Variants in EFCAB12 observed in about 807,000 individuals in gnomAD.
EFCAB12 encodes EF-hand calcium-binding domain-containing protein 12.
A neutral mutation model predicts 53.6 loss-of-function variants in EFCAB12; 43 were observed. That is an observed-to-expected ratio of 0.80 (90% confidence interval 0.63 to 1.03). The LOEUF is 1.03. Among genes scored for constraint, EFCAB12 ranks in the 50% least tolerant of loss-of-function variants. The pLI is 0.00. For missense variants in EFCAB12, 646 were observed against 730.6 expected (o/e 0.88, Z 1.34); for synonymous variants, 269 against 289.2 (o/e 0.93, Z 0.71).
At chr3:129,427,627 G>A (rs938486114) in intron 1 of EFCAB12, among the ~76,000 whole-genome samples, 1 of 152,286 alleles carries the variant, frequency 6.6e-6, no homozygotes. Flanking sequence ...GCATTAATGT[G>A]TTCAGTGCTG....
At chr3:129,416,418 A>AAAACAAACAAACAAAC (rs139810830) in intron 3 of EFCAB12, among the ~76,000 whole-genome samples, 16 of 151,440 alleles carry the variant, frequency 1.1e-4, no homozygotes, top group African/African-American at 2.9e-4. Flanking sequence ...GCTCCGTCTC[A>AAAACAAACAAACAAAC]AAACAAACAA....
At chr3:129,402,606 TGAG>T (rs2071887680) in intron 7 of EFCAB12, 27 bp from the exon 8 acceptor site, 1 of 1,606,490 alleles carries the variant, frequency 6.2e-7, no homozygotes, top group African/African-American at 1.3e-5. Context: ...AGGCATTTTG[TGAG>T]GAGAGTGGAA....
chr3:129,402,898 T>C (rs1434742397), intron 7 of EFCAB12: 1 of 268,240 alleles, frequency 3.7e-6, no homozygotes, highest in African/African-American at 2.3e-5. Flanking sequence ...GGAGGCTCAG[T>C]AAGTCACTGC....
At chr3:129,403,330 C>T (rs2071901100) in intron 7 of EFCAB12, 1 of 152,422 alleles carries the variant, frequency 6.6e-6, no homozygotes, top group Non-Finnish European at 1.5e-5. Context: ...TGAGTGCTGT[C>T]CCTGCTAAGA....
intron 1 of EFCAB12, among the ~76,000 whole-genome samples, chr3:129,423,619 T>C (rs1258767443): frequency 2.0e-5 from 3 of 152,044 alleles, no homozygotes; most frequent in Non-Finnish European, 2.9e-5. Flanking sequence ...ACAGAGACCC[T>C]TTTTCAAAAA....
rs780361081 is a variant in EFCAB12 at position 129,404,244 on chromosome 3, C to T, written c.1403+6G>A. 6.2e-7 allele frequency: 1 copy of T among 1,610,944 alleles called. No homozygotes were observed. Among genetic ancestry groups the T allele is most frequent in the Non-Finnish European group, 8.5e-7 (1 of 1,178,194 alleles). ...AGGCAGGGAGAAAGGGGGTCCGAAA[C>T]TCAGCTTGTCAGTCCTCTTAGACTT... On this transcript the variant is annotated splice_donor_region_variant and intron_variant, in intron 7 of 8. Coordinates refer to ENST00000505956, the MANE Select transcript of EFCAB12 (RefSeq NM_207307.3).
intron 3 of EFCAB12, among the ~76,000 whole-genome samples, chr3:129,416,442 C>CAAAT (rs1018919097): frequency 2.0e-5 from 3 of 151,852 alleles, no homozygotes; most frequent in East Asian, 3.9e-4. Flanking sequence ...AACAAACAAA[C>CAAAT]AAACAAAAAA....
chr3:129,406,214 C>T (rs780412694), intron 6 of EFCAB12, among the ~76,000 whole-genome samples: 2 of 152,074 alleles, frequency 1.3e-5, no homozygotes, highest in Non-Finnish European at 2.9e-5. Flanking sequence ...GTAAATAATC[C>T]GGAAAGGTGA....
rs756007007 is a variant in EFCAB12, at chr3:129,411,296, C to T, written c.897G>A (p.Val299=). The stretch of plus-strand genomic sequence containing the variant: ...CTTTGGGAAGCTGTGGGGCTGAATC[C>T]ACCTCCTGCTTCTTGAGCGGACCCT... The part of the protein sequence containing the change: ...SLKGPLKKQE[V]DSAPQLPKVD... Residue 299 remains valine, a synonymous_variant, in exon 5 of 9, where the codon GTG becomes GTA. Coordinates refer to ENST00000505956, the MANE Select transcript of EFCAB12 (RefSeq NM_207307.3). The T allele has an allele frequency of 2.5e-6, 4 of 1,611,580 alleles. No homozygotes were observed. In the East Asian group the frequency reaches 8.9e-5, roughly 36 times the overall value.
At chr3:129,406,428 G>A (rs2071951682) in intron 6 of EFCAB12, among the ~76,000 whole-genome samples, 1 of 152,112 alleles carries the variant, frequency 6.6e-6, no homozygotes, top group Non-Finnish European at 1.5e-5. Context: ...GTGTCTCCCC[G>A]AAATTCTTAT....
intron 7 of EFCAB12, 51 bp from the exon 8 acceptor site, chr3:129,402,630 A>G (rs893809002): frequency 1.5e-5 from 24 of 1,579,802 alleles, no homozygotes; most frequent in Non-Finnish European, 2.1e-5. Flanking sequence ...ATCCAGGCCA[A>G]TGGGGCTTTA....
intron 2 of EFCAB12, among the ~76,000 whole-genome samples, chr3:129,419,305 C>T (rs563438044): frequency 6.6e-6 from 1 of 152,140 alleles, no homozygotes; most frequent in South Asian, 2.1e-4. Flanking sequence ...AAGTGTGGTC[C>T]CGTGGACCAC....
At chr3:129,423,041 G>A (rs532621162) in intron 1 of EFCAB12, among the ~76,000 whole-genome samples, 2 of 152,264 alleles carry the variant, frequency 1.3e-5, no homozygotes, top group Admixed American at 6.5e-5. Context: ...AGTGAAAAAT[G>A]GACAGACCTA....
At chr3:129,406,196 A>C (rs540641778) in intron 6 of EFCAB12, among the ~76,000 whole-genome samples, 1 of 152,114 alleles carries the variant, frequency 6.6e-6, no homozygotes, top group Non-Finnish European at 1.5e-5. Context: ...ACTGCGTAAG[A>C]CCATGGTGTA....
chr3:129,402,058 G>A lies in EFCAB12; in HGVS notation c.1461-207C>T, dbSNP rs909824810. Reference sequence around the variant, plus strand: ...GAGGACCCAGAGGCCTGGGGAGGCCGTCGCACACTGAGCAAGTGGCCAAGT... The same window carrying A: ...GAGGACCCAGAGGCCTGGGGAGGCCATCGCACACTGAGCAAGTGGCCAAGT... On this transcript the variant is annotated intron_variant, in intron 8 of 8. Coordinates refer to ENST00000505956, the MANE Select transcript of EFCAB12 (RefSeq NM_207307.3). Among the ~76,000 whole-genome samples the A allele has an allele frequency of 5.9e-5, 9 of 152,226 alleles. No individual in the cohort carries two copies. In the South Asian group the frequency reaches 6.2e-4, roughly 10 times the overall value.
intron 2 of EFCAB12, among the ~76,000 whole-genome samples, chr3:129,418,827 C>T (rs2072154216): frequency 6.6e-6 from 1 of 152,194 alleles, no homozygotes; most frequent in Non-Finnish European, 1.5e-5. Context: ...CCAGCCTTTG[C>T]ATCTGCTATA....
At position 129,421,480 on chromosome 3, in the gene EFCAB12, A is replaced by G. The variant is rs1291221330; in HGVS notation, c.373T>C (p.Trp125Arg). The change falls in exon 2 of 9, where the codon TGG (tryptophan) becomes CGG (arginine). Residue 125 changes from tryptophan to arginine, a missense_variant. Transcript: ENST00000505956. ...ELESFGDVKR[W>R]LENKPSITPS... ...GTGATGCTGGGCTTGTTCTCCAGCCACCTCTTTACATCACCAAAGGACTCT... is the reference window on the plus strand; with the variant it reads ...GTGATGCTGGGCTTGTTCTCCAGCCGCCTCTTTACATCACCAAAGGACTCT... 6.2e-7 allele frequency: 1 copy of G among 1,613,936 alleles called. No homozygotes were observed. The highest frequency in any genetic ancestry group is 8.5e-7 in the Non-Finnish European group (1 of 1,179,890).
intron 1 of EFCAB12, among the ~76,000 whole-genome samples, chr3:129,428,177 C>A (rs1226877136): frequency 1.3e-5 from 2 of 152,228 alleles, no homozygotes; most frequent in Admixed American, 6.5e-5. Flanking sequence ...CATGCCTCTC[C>A]TCCAGTACTG....
Position 129,428,504 on chromosome 3 carries a change from A to AG in EFCAB12, c.-17dup, listed in dbSNP as rs1172616863. On this transcript the variant is annotated 5_prime_UTR_variant, in exon 1 of 9. Transcript: ENST00000505956. ...CGTCGTCCATGGTCGTGGTGCTGGG[A>AG]GGGGGTGCTGAAGGGCGTGTGTGAA... 2 of 1,610,562 alleles carry AG rather than the reference A, an allele frequency of 1.2e-6. No homozygotes were observed. The highest frequency in any genetic ancestry group is 3.4e-5 in the Admixed American group (2 of 59,518).
Sources: gnomAD v4.1 joint callset for allele counts (sites outside exome capture counted in the v4.1 genomes callset) on GRCh38, gnomAD v4.1.1 for gene constraint, MANE v1.5 for transcripts, NCBI Gene and HGNC (gene_info 2026-07-23, HGNC 2026-07-21) for gene names.